ELAVL2: variants seen among roughly 807,000 people sequenced by gnomAD.
ELAVL2 encodes ELAV-like protein 2.
In ELAVL2, 4 loss-of-function variants were observed where a neutral mutation model predicts 34.6. The ratio of observed to expected loss-of-function variants is 0.12; its 90% CI spans 0.06 to 0.26. ELAVL2 has a LOEUF of 0.26. Among genes scored for constraint, ELAVL2 ranks in the 10% least tolerant of loss-of-function variants. ELAVL2 has a pLI of 1.00. For synonymous variants in ELAVL2, 193 were observed against 154.8 expected (o/e 1.25, Z -1.83); for missense variants, 432 against 442.8 (o/e 0.98, Z 0.22).
intron 3 of ELAVL2, among the ~76,000 whole-genome samples, chr9:23,705,420 C>CGGAGGTATA (rs1247170831): frequency 6.6e-6 from 1 of 152,166 alleles, no homozygotes; most frequent in African/African-American, 2.4e-5. Flanking sequence ...TCAACAACTG[C>CGGAGGTATA]CTGCTCATTT....
chr9:23,753,796 T>G (rs1344225123), intron 2 of ELAVL2, among the ~76,000 whole-genome samples: 1 of 152,160 alleles, frequency 6.6e-6, no homozygotes, highest in Non-Finnish European at 1.5e-5. Flanking sequence ...AGGTCTGGAA[T>G]AGCAAACAGC....
At chr9:23,712,936 AC>A (rs1348809770) in intron 3 of ELAVL2, among the ~76,000 whole-genome samples, 1 of 152,232 alleles carries the variant, frequency 6.6e-6, no homozygotes, top group Non-Finnish European at 1.5e-5. Flanking sequence ...ATATCAAGCA[AC>A]TGATCATCAA....
rs191273988 is a variant in ELAVL2 at position 23,723,916 on chromosome 9, C to T, written c.333+7106G>A. Among the ~76,000 whole-genome samples the T allele has an allele frequency of 7.2e-5, 11 of 152,200 alleles. No homozygotes were observed. The East Asian group carries it at 2.1e-3, about 29-fold the overall frequency. On this transcript the variant is annotated intron_variant, in intron 3 of 6. Coordinates refer to ENST00000397312, the MANE Select transcript of ELAVL2 (RefSeq NM_004432.5). Reference sequence around the variant, plus strand: ...CACAGACAGCAACAATTTCCTAAACCTATACAAGTTATTACTTCTGTGGCT... The same window carrying T: ...CACAGACAGCAACAATTTCCTAAACTTATACAAGTTATTACTTCTGTGGCT...
intron 1 of ELAVL2, among the ~76,000 whole-genome samples, chr9:23,817,652 A>G (rs2063903389): frequency 6.6e-6 from 1 of 152,202 alleles, no homozygotes; most frequent in African/African-American, 2.4e-5. Flanking sequence ...TGCACAATGG[A>G]ATACAAGCTT....
intron 2 of ELAVL2, among the ~76,000 whole-genome samples, chr9:23,741,676 G>A (rs575357874): frequency 1.3e-5 from 2 of 152,148 alleles, no homozygotes; most frequent in Admixed American, 6.6e-5. Flanking sequence ...CACCACCACT[G>A]AGCCAAAGTC....
At chr9:23,810,946 A>G (rs1015627449) in intron 1 of ELAVL2, among the ~76,000 whole-genome samples, 9 of 152,194 alleles carry the variant, frequency 5.9e-5, no homozygotes, top group African/African-American at 2.2e-4. Context: ...TCAACAACTA[A>G]AAAGTGGCAG....
chr9:23,693,507 A>C (rs1429600226), intron 5 of ELAVL2, 21 bp from the exon 6 acceptor site: 10 of 1,614,054 alleles, frequency 6.2e-6, no homozygotes, highest in Non-Finnish European at 7.6e-6. Flanking sequence ...CACATTTAGC[A>C]AACTTCAGTT....
chr9:23,737,243 G>C (rs2048115302), intron 2 of ELAVL2, among the ~76,000 whole-genome samples: 1 of 152,190 alleles, frequency 6.6e-6, no homozygotes, highest in African/African-American at 2.4e-5. Flanking sequence ...AGCAGCATCT[G>C]CCTTCCAGGA....
chr9:23,769,922 T>C (rs1448697218), intron 1 of ELAVL2, among the ~76,000 whole-genome samples: 3 of 152,130 alleles, frequency 2.0e-5, no homozygotes, highest in Non-Finnish European at 4.4e-5. Context: ...GGTAAGATAA[T>C]GAGTTTAGGG....
intron 1 of ELAVL2, among the ~76,000 whole-genome samples, chr9:23,802,884 T>C (rs2137717326): frequency 6.6e-6 from 1 of 152,322 alleles, no homozygotes; most frequent in East Asian, 1.9e-4. Flanking sequence ...TTTTTTAATA[T>C]GTAATGGGTT....
At chr9:23,714,341 A>C (rs1208132955) in intron 3 of ELAVL2, among the ~76,000 whole-genome samples, 1 of 152,210 alleles carries the variant, frequency 6.6e-6, no homozygotes, top group Non-Finnish European at 1.5e-5. Context: ...CAAAAATCAC[A>C]TATATAAATG....
chr9:23,809,057 T>G (rs2062623215), intron 1 of ELAVL2, among the ~76,000 whole-genome samples: 1 of 152,330 alleles, frequency 6.6e-6, no homozygotes, highest in African/African-American at 2.4e-5. Flanking sequence ...AGTAAAATGC[T>G]ATTGAGCTTT....
the ELAVL2 span, among the ~76,000 whole-genome samples, chr9:23,845,242 T>C: frequency 6.6e-6 from 1 of 151,824 alleles, no homozygotes; most frequent in Non-Finnish European, 1.5e-5. Context: ...TTTATATGTA[T>C]AATTACATAT....
intron 3 of ELAVL2, among the ~76,000 whole-genome samples, chr9:23,721,563 G>C (rs1248666018): frequency 6.6e-6 from 1 of 152,150 alleles, no homozygotes; most frequent in Admixed American, 6.5e-5. Flanking sequence ...GTTCTTCACA[G>C]AAGGAAGGGA....
chr9:23,697,419 G>T (rs10811955), intron 5 of ELAVL2, among the ~76,000 whole-genome samples: 1 of 151,958 alleles, frequency 6.6e-6, no homozygotes, highest in Non-Finnish European at 1.5e-5. Flanking sequence ...TAAGATATTA[G>T]GTACATGGAA....
At chr9:23,792,267 G>A (rs979943128) in intron 1 of ELAVL2, among the ~76,000 whole-genome samples, 1 of 152,320 alleles carries the variant, frequency 6.6e-6, no homozygotes, top group Non-Finnish European at 1.5e-5. Flanking sequence ...TATGTTAAAT[G>A]TATTTTCTAC....
chr9:23,706,685 A>G (rs2039429732), intron 3 of ELAVL2, among the ~76,000 whole-genome samples: 2 of 152,216 alleles, frequency 1.3e-5, no homozygotes, highest in East Asian at 1.9e-4. Flanking sequence ...AGGTAAAGTG[A>G]TAACTACTGC....
At chr9:23,843,051 G>C in the ELAVL2 span, among the ~76,000 whole-genome samples, 1 of 152,052 alleles carries the variant, frequency 6.6e-6, no homozygotes, top group Admixed American at 6.6e-5. Flanking sequence ...TCATCTGTTT[G>C]GCTTTTGAAG....
the ELAVL2 span, among the ~76,000 whole-genome samples, chr9:23,841,684 T>G: frequency 6.6e-6 from 1 of 152,132 alleles, no homozygotes; most frequent in Non-Finnish European, 1.5e-5. Flanking sequence ...ATGCCCAGAT[T>G]CTAGTTTTTA....
Sources: allele counts gnomAD v4.1 joint callset (sites outside exome capture counted in the v4.1 genomes callset), GRCh38; gene constraint gnomAD v4.1.1; transcripts MANE v1.5; gene names NCBI Gene and HGNC (gene_info 2026-07-23, HGNC 2026-07-21).